Variants in ADD2 observed in about 807,000 individuals in gnomAD.
ADD2 encodes the protein beta-adducin.
ADD2 carries 23 observed loss-of-function variants against 83.0 expected under a neutral mutation model. The ratio of observed to expected loss-of-function variants is 0.28; its 90% CI spans 0.20 to 0.39. ADD2 has a LOEUF of 0.39. ADD2 is among the 10% of genes least tolerant of loss of function. The pLI, the probability that ADD2 is intolerant of heterozygous loss-of-function variation, is 1.00. For missense variants in ADD2, 758 were observed against 944.9 expected, an observed-to-expected ratio of 0.80 and a Z score of 2.59; for synonymous variants, 375 against 375.4, an observed-to-expected ratio of 1.00 and a Z score of 0.01.
Position 70,668,613 on chromosome 2 carries a change from C to A in ADD2, c.1870+4265G>T, listed in dbSNP as rs146086171. Among the ~76,000 whole-genome samples, 846 of 152,350 alleles carry A rather than the reference C, an allele frequency of 5.6e-3. 6 individuals are homozygous for A. Among genetic ancestry groups the A allele is most frequent in the African/African-American group, 0.019 (798 of 41,572 alleles). Reference sequence around the variant, plus strand: ...TTCAAGCCATGTTTACTGCTGCTGACGTCTGCCAAGTGAGGTCAGATGAAG... The same window carrying A: ...TTCAAGCCATGTTTACTGCTGCTGAAGTCTGCCAAGTGAGGTCAGATGAAG... On this transcript the variant is annotated intron_variant, in intron 15 of 15. Coordinates refer to ENST00000264436, the MANE Select transcript of ADD2 (RefSeq NM_001617.4).
rs1675494551 is a variant in ADD2 at position 70,767,946 on chromosome 2, T to C, written c.-214A>G. On this transcript the variant is annotated 5_prime_UTR_variant, in exon 1 of 16. Transcript: ENST00000264436. Reference sequence around the variant, plus strand: ...ACTGCGGGTTGGTTTTGTTATTTTATGGGTTTGGGGGGTGGGGTGCGCTTA... The same window carrying C: ...ACTGCGGGTTGGTTTTGTTATTTTACGGGTTTGGGGGGTGGGGTGCGCTTA... 4 of 1,535,856 alleles carry C rather than the reference T, an allele frequency of 2.6e-6. No homozygotes were observed. Among genetic ancestry groups the C allele is most frequent in the Non-Finnish European group, 2.6e-6 (3 of 1,146,768 alleles).
chr2:70,672,754 T>C, intron 15 of ADD2, 124 bp downstream of exon 15: 1 of 1,144,352 alleles, frequency 8.7e-7, no homozygotes, highest in Non-Finnish European at 1.2e-6. Flanking sequence ...TATTTCTGAT[T>C]TCCTAGAAAT....
At chr2:70,755,475 T>C (rs1553383664) in intron 1 of ADD2, among the ~76,000 whole-genome samples, 1 of 152,222 alleles carries the variant, frequency 6.6e-6, no homozygotes, top group Non-Finnish European at 1.5e-5. Context: ...CTGTTTGTTT[T>C]TATGCTTAGT....
rs1262916395 is a variant in ADD2, at chr2:70,706,350, T to C, written c.59A>G (p.Tyr20Cys). The change falls in exon 3 of 16, where the codon TAC becomes TGC. Residue 20 changes from tyrosine (Y) to cysteine (C), a missense_variant. Transcript: ENST00000264436. This position sits in a 1 kb window ranked among gnomAD's most constrained non-coding sequence, Gnocchi z 5.0. ...ASPPPPQGQP[Y>C]FDRFSEDDPE... ...GTCGTCCTCTGAGAAGCGGTCAAAG[T>C]AAGGCTGCCCCTGCGGGGGCGGCGG... The C allele has an allele frequency of 6.2e-7, 1 of 1,613,568 alleles. No homozygotes were observed.
chr2:70,714,932 A>C (rs1466017362), intron 1 of ADD2, among the ~76,000 whole-genome samples: 1 of 152,236 alleles, frequency 6.6e-6, no homozygotes, highest in African/African-American at 2.4e-5. Flanking sequence ...CTTGTAAGAA[A>C]GCAAACATTG....
intron 1 of ADD2, among the ~76,000 whole-genome samples, chr2:70,741,908 G>C (rs1673937606): frequency 6.6e-6 from 1 of 150,914 alleles, no homozygotes; most frequent in African/African-American, 2.4e-5. Flanking sequence ...CCACCCAGCT[G>C]TGGGCTCCCA....
At chr2:70,716,029 TTTTC>T (rs1672448833) in intron 1 of ADD2, among the ~76,000 whole-genome samples, 1 of 152,200 alleles carries the variant, frequency 6.6e-6, no homozygotes, top group African/African-American at 2.4e-5. Flanking sequence ...TAACCTTTTT[TTTTC>T]TTTTTAAAGC....
chr2:70,662,413 A>C lies in ADD2; in HGVS notation c.*1012T>G, dbSNP rs550349813. 6.6e-6 allele frequency: 1 copy of C among 152,288 alleles called. No homozygotes were observed. Among genetic ancestry groups the C allele is most frequent in the South Asian group, 2.1e-4 (1 of 4,832 alleles). The allele number at this position is 152,288 out of a possible 1,614,324, so 9.4% of individuals were successfully genotyped here. A position where few individuals can be genotyped will look rare whatever the true frequency, so the allele number is the denominator to read the frequency against. The stretch of plus-strand genomic sequence containing the variant: ...GGGTGCAAGTCAAGGTGCCAAGAGT[A>C]AGATGCCAGTTTCGGTCTGTAAGCA... On this transcript the variant is annotated 3_prime_UTR_variant, in exon 16 of 16. Transcript: ENST00000264436.
chr2:70,702,313 T>G (rs1553373592), intron 4 of ADD2, among the ~76,000 whole-genome samples: 1 of 152,158 alleles, frequency 6.6e-6, no homozygotes, highest in Admixed American at 6.5e-5. Context: ...ATTACAGGCA[T>G]GCAACACCAT....
intron 4 of ADD2, among the ~76,000 whole-genome samples, chr2:70,699,881 C>T (rs531749326): frequency 2.0e-5 from 3 of 152,074 alleles, no homozygotes; most frequent in South Asian, 2.1e-4. Context: ...ACAAAAACTA[C>T]GCAGAGGTCA....
intron 10 of ADD2, among the ~76,000 whole-genome samples, chr2:70,679,951 A>G (rs1307308160): frequency 6.6e-6 from 1 of 152,112 alleles, no homozygotes; most frequent in Admixed American, 6.5e-5. Context: ...GTAAATTAAG[A>G]ATATTAATTT....
intron 1 of ADD2, among the ~76,000 whole-genome samples, chr2:70,741,950 C>CTAATCAATAACCAATTTTGACATTTCTT: frequency 6.6e-6 from 1 of 152,200 alleles, no homozygotes; most frequent in Non-Finnish European, 1.5e-5. Context: ...TGACATTTCT[C>CTAATCAATAACCAATTTTGACATTTCTT]TAATCAATAA....
At chr2:70,724,673 G>A (rs776512775) in intron 1 of ADD2, among the ~76,000 whole-genome samples, 7 of 152,232 alleles carry the variant, frequency 4.6e-5, no homozygotes, top group Non-Finnish European at 7.3e-5. Flanking sequence ...CCCCTCTCAA[G>A]GCTGCAGGAC....
chr2:70,669,937 G>A (rs1322680698), intron 15 of ADD2, among the ~76,000 whole-genome samples: 1 of 152,118 alleles, frequency 6.6e-6, no homozygotes, highest in Non-Finnish European at 1.5e-5. Context: ...CCTTCTAGCT[G>A]CCCCTGCTAA....
At chr2:70,679,901 A>G (rs138920073) in intron 10 of ADD2, among the ~76,000 whole-genome samples, 1 of 152,096 alleles carries the variant, frequency 6.6e-6, no homozygotes, top group African/African-American at 2.4e-5. Context: ...CCATTTTTCT[A>G]TTGATGTTTC....
chr2:70,691,410 A>T (rs563575958), intron 7 of ADD2, among the ~76,000 whole-genome samples: 17 of 152,196 alleles, frequency 1.1e-4, no homozygotes, highest in African/African-American at 3.9e-4. Context: ...GGCCCATTGA[A>T]AAGTCCCATT....
intron 4 of ADD2, among the ~76,000 whole-genome samples, chr2:70,703,207 C>T (rs539079518): frequency 9.1e-4 from 134 of 147,812 alleles, no homozygotes; most frequent in Non-Finnish European, 1.1e-3. Context: ...GAAAAGAAAA[C>T]GAAAGAAAGA....
At chr2:70,726,557 C>G (rs1673012706) in intron 1 of ADD2, among the ~76,000 whole-genome samples, 1 of 152,124 alleles carries the variant, frequency 6.6e-6, no homozygotes, top group Non-Finnish European at 1.5e-5. Flanking sequence ...TTATGGAGGG[C>G]CCAGAACAAT....
chr2:70,747,140 A>C (rs1391766276), intron 1 of ADD2, among the ~76,000 whole-genome samples: 1 of 151,428 alleles, frequency 6.6e-6, no homozygotes, highest in Non-Finnish European at 1.5e-5. Flanking sequence ...CCTCCCGAGT[A>C]GCTGGGACTA....
Sources: gnomAD v4.1 joint callset for allele counts (sites outside exome capture counted in the v4.1 genomes callset) on GRCh38, gnomAD v4.1.1 for gene constraint, Gnocchi (gnomAD v3.1) non-coding constraint, MANE v1.5 for transcripts, NCBI Gene and HGNC (gene_info 2026-07-23, HGNC 2026-07-21) for gene names.